The following ATP2C2 variants were observed in gnomAD, a reference collection of about 807,000 sequenced individuals.
The protein encoded by ATP2C2 is ATPase secretory pathway Ca2+ transporting 2, also known as calcium-transporting ATPase type 2C member 2.
In ATP2C2, 171 loss-of-function variants were observed where a neutral mutation model predicts 110.8. The observed-to-expected ratio is 1.54, with a 90% CI of 1.36 to 1.75. ATP2C2 has a LOEUF of 1.75. ATP2C2 is among the 40% of genes most tolerant of loss of function. The pLI is 0.00. For synonymous variants in ATP2C2, 804 were observed against 508.4 expected, an observed-to-expected ratio of 1.58 and a Z score of -7.82; for missense variants, 1,963 against 1,235.0, an observed-to-expected ratio of 1.59 and a Z score of -8.84.
chr16:84,411,111 G>A (rs1358292521), intron 6 of ATP2C2, among the ~76,000 whole-genome samples: 1 of 152,112 alleles, frequency 6.6e-6, no homozygotes, highest in Non-Finnish European at 1.5e-5. Flanking sequence ...AGGGTCTGGA[G>A]GTTTATTTGA....
In ATP2C2 at chr16:84,463,979, T is replaced by C; in HGVS notation, c.*247T>C. The C allele has an allele frequency of 2.4e-6, 1 of 421,938 alleles. No homozygotes were observed. Among genetic ancestry groups the C allele is most frequent in the Non-Finnish European group, 4.3e-6 (1 of 235,122 alleles). 26.1% of individuals were successfully genotyped at this position (421,938 alleles called of 1,614,324 possible). ...CTGTACAGAAACACCACACTGTTTA[T>C]TAAATCACAATGATTTTTATTAACC... On this transcript the variant is annotated 3_prime_UTR_variant, in exon 27 of 27. Coordinates refer to ENST00000262429, the MANE Select transcript of ATP2C2 (RefSeq NM_014861.4).
At chr16:84,463,505 G>A (rs1169539948) in intron 26 of ATP2C2, 109 bp from the exon 27 acceptor site, 2 of 899,304 alleles carry the variant, frequency 2.2e-6, no homozygotes, top group South Asian at 1.4e-5. Flanking sequence ...AAAAGGGCTG[G>A]TCCTCCGCAC....
At chr16:84,407,659 A>T (rs902250699) in intron 3 of ATP2C2, among the ~76,000 whole-genome samples, 1 of 151,934 alleles carries the variant, frequency 6.6e-6, no homozygotes, top group Admixed American at 6.6e-5. Flanking sequence ...TTTTGTAAAG[A>T]TGGGATTTTG....
intron 1 of ATP2C2, among the ~76,000 whole-genome samples, chr16:84,369,204 C>G (rs953938898): frequency 6.6e-6 from 1 of 152,240 alleles, no homozygotes; most frequent in East Asian, 1.9e-4. Flanking sequence ...TTCCTACAGT[C>G]AGGTACTTTT....
chr16:84,393,639 G>T (rs1019632636), intron 1 of ATP2C2, among the ~76,000 whole-genome samples: 1 of 151,814 alleles, frequency 6.6e-6, no homozygotes, highest in Admixed American at 6.6e-5. Flanking sequence ...CAGAAAAGAG[G>T]TTATGTTTAA....
chr16:84,405,834 T>A (rs982439734), intron 3 of ATP2C2, among the ~76,000 whole-genome samples: 2 of 152,124 alleles, frequency 1.3e-5, no homozygotes, highest in African/African-American at 4.8e-5. Flanking sequence ...GTGGGAGGAT[T>A]GTTGGAACCC....
At chr16:84,433,029 A>C (rs1343222421) in intron 11 of ATP2C2, among the ~76,000 whole-genome samples, 2 of 152,118 alleles carry the variant, frequency 1.3e-5, no homozygotes, top group East Asian at 3.9e-4. Flanking sequence ...GAGACATTTG[A>C]GCCTCAAGGA....
At chr16:84,452,490 C>G (rs1390220899) in intron 18 of ATP2C2, among the ~76,000 whole-genome samples, 1 of 128,896 alleles carries the variant, frequency 7.8e-6, no homozygotes, top group Non-Finnish European at 1.6e-5. Context: ...CCCTTCTCCT[C>G]TAGTTACTTT....
At chr16:84,443,821 C>A (rs1325528131) in intron 15 of ATP2C2, among the ~76,000 whole-genome samples, 2 of 152,102 alleles carry the variant, frequency 1.3e-5, no homozygotes, top group Non-Finnish European at 2.9e-5. Flanking sequence ...AGGTGGTCGC[C>A]CTCTCATAAG....
At chr16:84,390,288 G>T (rs1326801903) in intron 1 of ATP2C2, among the ~76,000 whole-genome samples, 1 of 152,218 alleles carries the variant, frequency 6.6e-6, no homozygotes, top group African/African-American at 2.4e-5. Context: ...GGTGCCGCTG[G>T]CTCCCTTGCT....
intron 25 of ATP2C2, 21 bp from the exon 26 acceptor site, chr16:84,461,944 GGTGTGGACAGCACACAATCCCCC>G (rs759432172): frequency 1.2e-6 from 2 of 1,609,254 alleles, no homozygotes; most frequent in East Asian, 2.2e-5. Flanking sequence ...CTGTACCTGG[GGTGTGGACAGCACACAATCCCCC>G]GTGTGACCTT....
At position 84,463,671 on chromosome 16, in the gene ATP2C2, A is replaced by C. The variant is rs745833147; in HGVS notation, c.2780A>C (p.Lys927Thr). 1.2e-6 allele frequency: 2 copies of C among 1,614,196 alleles called. No individual in the cohort carries two copies. Among genetic ancestry groups the C allele is most frequent in the South Asian group, 1.1e-5 (1 of 91,078 alleles). ...SSVFILSELL[K>T]LCEKYCCSPK... ...GTCTTCATTTTGTCAGAGCTCCTCA[A>C]ACTATGTGAAAAATACTGTTGCAGC... is the stretch of plus-strand genomic sequence containing the variant. The change falls in exon 27 of 27, where the codon AAA becomes ACA. Residue 927 changes from lysine (K) to threonine (T), a missense_variant. Physicochemically the swap from Lys to Thr is moderately conservative, Grantham distance 78 (BLOSUM62 -1). Coordinates refer to ENST00000262429, the MANE Select transcript of ATP2C2 (RefSeq NM_014861.4).
intron 1 of ATP2C2, among the ~76,000 whole-genome samples, chr16:84,378,479 G>A (rs1910381529): frequency 6.6e-6 from 1 of 152,308 alleles, no homozygotes; most frequent in African/African-American, 2.4e-5. Flanking sequence ...TGTGGAAGCT[G>A]TGTTGGGTAA....
chr16:84,453,473 G>T lies in ATP2C2; in HGVS notation c.1980+102G>T. ...TCCGTCGGGTGACAGTGCAGGGCCC[G>T]ACCGTGGCTTCCTTCTCTAGGTCCA... On this transcript the variant is annotated intron_variant, in intron 20 of 26. Coordinates refer to ENST00000262429, the MANE Select transcript of ATP2C2 (RefSeq NM_014861.4). 2.0e-6 allele frequency: 3 copies of T among 1,475,612 alleles called. No homozygotes were observed. In the South Asian group the frequency reaches 3.4e-5, roughly 17 times the overall value. The allele number at this position is 1,475,612 out of a possible 1,614,324, so 91.4% of individuals were successfully genotyped here.
In ATP2C2 at chr16:84,424,576, C is replaced by CTTTTTTT. The variant is rs371614449; in HGVS notation, c.920-1142_920-1136dup. 1.3e-3 allele frequency among the ~76,000 whole-genome samples: 154 copies of CTTTTTTT among 114,834 alleles called. 6 individuals carry two copies. The highest frequency in any genetic ancestry group is 6.0e-3 in the African/African-American group (148 of 24,850). 75.3% of individuals were successfully genotyped at this position (114,834 alleles called of 152,430 possible). ...TACAGGCATGAGCCACCGCACTGGGCTTTTTTTTTTTTTTTTTTTTTTTAA... is the reference window on the plus strand; with the variant it reads ...TACAGGCATGAGCCACCGCACTGGGCTTTTTTTTTTTTTTTTTTTTTTTTTTTTTTAA... On this transcript the variant is annotated intron_variant, in intron 10 of 26. Transcript: ENST00000262429.
intron 11 of ATP2C2, among the ~76,000 whole-genome samples, chr16:84,432,300 G>T (rs1490036557): frequency 6.6e-6 from 1 of 151,976 alleles, no homozygotes; most frequent in African/African-American, 2.4e-5. Context: ...TAAGTTCTAG[G>T]ATACATGTGC....
In ATP2C2 at chr16:84,417,649, T is replaced by G. The variant is rs554899029; in HGVS notation, c.624+2058T>G. Reference sequence around the variant, plus strand: ...GCTCATACCTGTCATCCCAATACTTTGGGCAGCCAAGGCGAGTGGATTGCT... The same window carrying G: ...GCTCATACCTGTCATCCCAATACTTGGGGCAGCCAAGGCGAGTGGATTGCT... On this transcript the variant is annotated intron_variant, in intron 7 of 26. Coordinates refer to ENST00000262429, the MANE Select transcript of ATP2C2 (RefSeq NM_014861.4). Among the ~76,000 whole-genome samples, 12 of 152,306 alleles carry G rather than the reference T, an allele frequency of 7.9e-5. No individual in the cohort carries two copies. In the South Asian group the frequency reaches 1.5e-3, roughly 18 times the overall value.
At position 84,438,768 on chromosome 16, in the gene ATP2C2, G is replaced by A. The variant is rs934898121; in HGVS notation, c.987-398G>A. Among the ~76,000 whole-genome samples the A allele has an allele frequency of 3.3e-5, 5 of 152,300 alleles. No individual in the cohort carries two copies. The South Asian group carries it at 1.0e-3, about 32-fold the overall frequency. On this transcript the variant is annotated intron_variant, in intron 11 of 26. Transcript: ENST00000262429. ...GAAAAGTGAAATTCAAGGGACTCAC[G>A]AGGACCCCTGGAACCAAAAACTCTT...
Position 84,446,382 on chromosome 16 carries a change from C to G in ATP2C2, c.1455C>G (p.Phe485Leu). The G allele has an allele frequency of 6.2e-7, 1 of 1,606,292 alleles. No individual in the cohort carries two copies. The highest frequency in any genetic ancestry group is 8.5e-7 in the Non-Finnish European group (1 of 1,177,098). The change falls in exon 16 of 27, where the codon TTC becomes TTG. Residue 485 changes from phenylalanine (F) to leucine (L), a missense_variant. Physicochemically the swap from Phe to Leu is conservative, Grantham distance 22. Transcript: ENST00000262429. ...ATATAAGAAAAAAAGAGATTCCATTCAGTTCAGAGCAGAAGTGGATGGCGG... is the reference window on the plus strand; with the variant it reads ...ATATAAGAAAAAAAGAGATTCCATTGAGTTCAGAGCAGAAGTGGATGGCGG... ...NSYIRKKEIP[F>L]SSEQKWMAVK...
Sources: allele counts gnomAD v4.1 joint callset (sites outside exome capture counted in the v4.1 genomes callset), GRCh38; gene constraint gnomAD v4.1.1; transcripts MANE v1.5; gene names NCBI Gene and HGNC (gene_info 2026-07-23, HGNC 2026-07-21).